NCKAP5: variants seen among roughly 807,000 people sequenced by gnomAD.
NCKAP5 encodes the protein NCK associated protein 5, also known as nck-associated protein 5.
In NCKAP5, 92 loss-of-function variants were observed where a neutral mutation model predicts 167.0. The observed-to-expected ratio is 0.55, with a 90% CI of 0.47 to 0.66. The LOEUF is 0.66. Among genes scored for constraint, NCKAP5 ranks in the 30% least tolerant of loss-of-function variants. NCKAP5 has a pLI of 0.00. For missense variants in NCKAP5, 2,378 were observed against 2,315.0 expected (o/e 1.03, Z -0.56); for synonymous variants, 891 against 877.4 (o/e 1.02, Z -0.27).
At chr2:133,639,852 A>G in the NCKAP5 span, among the ~76,000 whole-genome samples, 27 of 152,178 alleles carry the variant, frequency 1.8e-4, no homozygotes, top group Admixed American at 1.8e-3. Flanking sequence ...AAACAAACTA[A>G]ATGACCATCA....
chr2:133,517,942 T>C (rs1684150117), intron 2 of NCKAP5, among the ~76,000 whole-genome samples: 1 of 152,202 alleles, frequency 6.6e-6, no homozygotes, highest in Non-Finnish European at 1.5e-5. Flanking sequence ...ATAGATGCTG[T>C]CTGCAAATTC....
chr2:133,426,440 CAA>C (rs77474242), intron 3 of NCKAP5, among the ~76,000 whole-genome samples: 2,770 of 73,012 alleles, frequency 0.038, 86 homozygotes, highest in African/African-American at 0.11. Context: ...TAAAGTCTTC[CAA>C]AAAAAAAAAA....
chr2:133,558,704 C>CGAAAAAA (rs1687929346), intron 2 of NCKAP5, among the ~76,000 whole-genome samples: 1 of 50,872 alleles, frequency 2.0e-5, no homozygotes, highest in Non-Finnish European at 3.3e-5. Flanking sequence ...ATGTGCTGAG[C>CGAAAAAA]AAAAAAAAAA....
chr2:132,975,829 C>T (rs1316156071), intron 7 of NCKAP5, among the ~76,000 whole-genome samples: 1 of 151,520 alleles, frequency 6.6e-6, no homozygotes, highest in African/African-American at 2.4e-5. Flanking sequence ...ATTTGCAATT[C>T]AAATTCAATC....
chr2:132,975,629 T>C (rs762030648), intron 7 of NCKAP5, among the ~76,000 whole-genome samples: 37 of 152,334 alleles, frequency 2.4e-4, no homozygotes, highest in Non-Finnish European at 4.1e-4. Flanking sequence ...GCTGGACATC[T>C]AAGAAAACTA....
chr2:133,650,466 A>G, the NCKAP5 span, among the ~76,000 whole-genome samples: 2 of 152,258 alleles, frequency 1.3e-5, no homozygotes, highest in Admixed American at 1.3e-4. Flanking sequence ...AAAATATATT[A>G]CAAAGCTATG....
At chr2:133,495,547 C>A (rs148295257) in intron 3 of NCKAP5, among the ~76,000 whole-genome samples, 3 of 152,282 alleles carry the variant, frequency 2.0e-5, no homozygotes, top group African/African-American at 4.8e-5. Flanking sequence ...TGAAGTCCAG[C>A]GACAGAGCAG....
chr2:132,997,580 G>A (rs747766260), intron 6 of NCKAP5, among the ~76,000 whole-genome samples: 9 of 152,116 alleles, frequency 5.9e-5, no homozygotes, highest in Admixed American at 6.6e-5. Context: ...AGAGATCATG[G>A]TTAGTTGGAT....
Position 133,120,595 on chromosome 2 carries a change from G to A in NCKAP5, c.341+9383C>T, listed in dbSNP as rs551538723. On this transcript the variant is annotated intron_variant, in intron 6 of 19. Coordinates refer to ENST00000409261, the MANE Select transcript of NCKAP5 (RefSeq NM_207363.3). ...TCAGAAAGTAAACTTTAGCTTATGG[G>A]AAGTAAACCTTCAGTTCACCAAATT... Among the ~76,000 whole-genome samples the A allele has an allele frequency of 9.5e-4, 144 of 152,242 alleles. 1 individual carries two copies. The highest frequency in any genetic ancestry group is 3.5e-3 in the Admixed American group (54 of 15,292).
At chr2:133,132,313 T>G (rs1415731157) in intron 5 of NCKAP5, among the ~76,000 whole-genome samples, 1 of 151,446 alleles carries the variant, frequency 6.6e-6, no homozygotes, top group Non-Finnish European at 1.5e-5. Context: ...ATGTAAAGTT[T>G]TGCAGAGAAA....
intron 4 of NCKAP5, among the ~76,000 whole-genome samples, chr2:133,279,187 T>C (rs1036895096): frequency 6.6e-6 from 1 of 152,224 alleles, no homozygotes; most frequent in African/African-American, 2.4e-5. Context: ...CTTCCAATAA[T>C]ACAAAAGTGC....
chr2:132,714,447 G>GA (rs1689160875), intron 19 of NCKAP5, among the ~76,000 whole-genome samples: 1 of 152,178 alleles, frequency 6.6e-6, no homozygotes, highest in Non-Finnish European at 1.5e-5. Context: ...ACACCCATGA[G>GA]AAAGAGGCAA....
chr2:133,470,869 C>T (rs1679216205), intron 3 of NCKAP5, among the ~76,000 whole-genome samples: 1 of 152,282 alleles, frequency 6.6e-6, no homozygotes, highest in African/African-American at 2.4e-5. Context: ...CCTGCTTTGG[C>T]TTGCGCATGG....
At chr2:133,116,088 T>C (rs747031002) in intron 6 of NCKAP5, among the ~76,000 whole-genome samples, 216 of 152,066 alleles carry the variant, frequency 1.4e-3, no homozygotes, top group Non-Finnish European at 2.6e-3. Context: ...CAAGTAATTC[T>C]GGAAAAGGGC....
the NCKAP5 span, among the ~76,000 whole-genome samples, chr2:133,579,838 A>AT: frequency 7.2e-5 from 11 of 152,110 alleles, no homozygotes; most frequent in Non-Finnish European, 1.3e-4. Context: ...TCAACCCCCC[A>AT]TTTTAATGTC....
At chr2:132,903,714 A>G (rs1693798455) in intron 8 of NCKAP5, among the ~76,000 whole-genome samples, 1 of 152,190 alleles carries the variant, frequency 6.6e-6, no homozygotes, top group African/African-American at 2.4e-5. Context: ...GAGGGTTTTG[A>G]GAGTAAGAAA....
intron 2 of NCKAP5, among the ~76,000 whole-genome samples, chr2:133,557,718 C>T (rs1687841026): frequency 6.6e-6 from 1 of 152,232 alleles, no homozygotes; most frequent in South Asian, 2.1e-4. Flanking sequence ...TGGAGAAACA[C>T]CCTTTCAAGG....
At position 133,206,810 on chromosome 2, in the gene NCKAP5, G is replaced by C. The variant is rs147685050; in HGVS notation, c.207+6906C>G. ...TCTCTTCCCAGCAAGGAATAACCCT[G>C]GGTAAGGAATGCATTCCTGGGGGTA... On this transcript the variant is annotated intron_variant, in intron 5 of 19. Coordinates refer to ENST00000409261, the MANE Select transcript of NCKAP5 (RefSeq NM_207363.3). Among the ~76,000 whole-genome samples the C allele has an allele frequency of 1.2e-4, 19 of 152,238 alleles. No homozygotes were observed. In the East Asian group the frequency reaches 3.7e-3, roughly 29 times the overall value.
chr2:133,445,077 A>G (rs1361632908), intron 3 of NCKAP5, among the ~76,000 whole-genome samples: 1 of 152,222 alleles, frequency 6.6e-6, no homozygotes, highest in East Asian at 1.9e-4. Flanking sequence ...ATAATTTATT[A>G]AAAGGTCATT....
Sources: allele counts gnomAD v4.1 joint callset (sites outside exome capture counted in the v4.1 genomes callset), GRCh38; gene constraint gnomAD v4.1.1; transcripts MANE v1.5; gene names NCBI Gene and HGNC (gene_info 2026-07-23, HGNC 2026-07-21).